Variants in EPN2 observed in about 807,000 individuals in gnomAD.
The protein encoded by EPN2 is epsin-2.
In EPN2, 34 loss-of-function variants were observed where a neutral mutation model predicts 61.7. The ratio of observed to expected loss-of-function variants is 0.55; its 90% CI spans 0.42 to 0.73. The LOEUF (loss-of-function observed/expected upper bound fraction) is 0.73, where lower values mean the gene tolerates loss of function less well. EPN2 is among the 30% of genes least tolerant of loss of function. The pLI is 0.00. For synonymous variants in EPN2, 349 were observed against 353.6 expected, an observed-to-expected ratio of 0.99 and a Z score of 0.15; for missense variants, 714 against 839.2, an observed-to-expected ratio of 0.85 and a Z score of 1.84.
At chr17:19,273,419 T>C (rs2045275203) in intron 1 of EPN2, 1 of 152,246 alleles carries the variant, frequency 6.6e-6, no homozygotes, top group Non-Finnish European at 1.5e-5. Context: ...CCTGCTCTAC[T>C]GTCTAGAAGT....
chr17:19,334,017 A>G lies in EPN2; in HGVS notation c.1689A>G (p.Thr563=), dbSNP rs1907283502. Residue 563 remains threonine, a synonymous_variant, in exon 11 of 11, where the codon ACA becomes ACG. Coordinates refer to ENST00000314728, the MANE Select transcript of EPN2 (RefSeq NM_014964.5). The surrounding 1 kb of genome is among the most constrained non-coding windows in gnomAD (Gnocchi z 4.9). ...PFQVNQPQPL[T]LNQLRGSPVL... is the part of the protein sequence containing the mutation. ...AGGTGAACCAGCCCCAGCCGCTGAC[A>G]CTGAACCAGCTTCGGGGGAGCCCAG... 1.3e-6 allele frequency: 2 copies of G among 1,598,764 alleles called. No individual in the cohort carries two copies. The highest frequency in any genetic ancestry group is 2.7e-5 in the African/African-American group (2 of 74,624).
intron 1 of EPN2, among the ~76,000 whole-genome samples, chr17:19,248,179 G>A (rs2044973859): frequency 6.6e-6 from 1 of 152,212 alleles, no homozygotes; most frequent in African/African-American, 2.4e-5. Flanking sequence ...ATTGTAGAAT[G>A]ACTGTGGATT....
intron 1 of EPN2, among the ~76,000 whole-genome samples, chr17:19,281,335 T>G (rs939818831): frequency 6.6e-6 from 1 of 152,226 alleles, no homozygotes. Context: ...AAGACATCAC[T>G]GTGGAGATTC....
intron 1 of EPN2, among the ~76,000 whole-genome samples, chr17:19,278,936 C>A (rs2045334829): frequency 6.6e-6 from 1 of 152,176 alleles, no homozygotes; most frequent in African/African-American, 2.4e-5. Flanking sequence ...CGTGCCCGGC[C>A]CCTAGTGAGG....
intron 1 of EPN2, among the ~76,000 whole-genome samples, chr17:19,256,620 G>A (rs921733543): frequency 2.6e-5 from 4 of 152,036 alleles, no homozygotes; most frequent in Non-Finnish European, 4.4e-5. Flanking sequence ...ATTATATAGC[G>A]TCCAGTGGTT....
At chr17:19,300,452 C>CA (rs1239260752) in intron 4 of EPN2, among the ~76,000 whole-genome samples, 3 of 90,686 alleles carry the variant, frequency 3.3e-5, no homozygotes, top group Non-Finnish European at 6.0e-5. Flanking sequence ...TTTTTGGAGA[C>CA]AGAGTCGCTC....
At chr17:19,247,689 T>G (rs371966043) in intron 1 of EPN2, among the ~76,000 whole-genome samples, 15 of 150,966 alleles carry the variant, frequency 9.9e-5, no homozygotes, top group African/African-American at 3.7e-4. Flanking sequence ...TGGGGTTTGG[T>G]TTTCTGGGTA....
At chr17:19,239,628 A>T (rs191177298) in intron 1 of EPN2, among the ~76,000 whole-genome samples, 1 of 152,324 alleles carries the variant, frequency 6.6e-6, no homozygotes, top group East Asian at 1.9e-4. Flanking sequence ...GTAAGGCATG[A>T]TTCAGGACTG....
rs1385341622 is a variant in EPN2, at chr17:19,283,819, G to A, written c.595+105G>A. 13 of 827,352 alleles carry A rather than the reference G, an allele frequency of 1.6e-5. No homozygotes were observed. Among genetic ancestry groups the A allele is most frequent in the African/African-American group, 3.4e-5 (2 of 57,992 alleles). The allele number at this position is 827,352 out of a possible 1,614,324, so 51.3% of individuals were successfully genotyped here. A position where few individuals can be genotyped will look rare whatever the true frequency, so the allele number is the denominator to read the frequency against. ...GGGAGTGGTGGCCACTGCAGAGCTC[G>A]AACCTGTCCTCAGTACCCAGCTTTT... On this transcript the variant is annotated intron_variant, in intron 3 of 10. Coordinates refer to ENST00000314728, the MANE Select transcript of EPN2 (RefSeq NM_014964.5). The surrounding 1 kb of genome is among the most constrained non-coding windows in gnomAD (Gnocchi z 7.0).
intron 1 of EPN2, among the ~76,000 whole-genome samples, chr17:19,250,249 C>T (rs1350487284): frequency 1.3e-5 from 2 of 152,010 alleles, no homozygotes; most frequent in East Asian, 1.9e-4. Flanking sequence ...TGTGCGCGAC[C>T]ATGCCTGGCT....
intron 4 of EPN2, among the ~76,000 whole-genome samples, chr17:19,308,764 T>C (rs1905979517): frequency 6.6e-6 from 1 of 152,128 alleles, no homozygotes; most frequent in African/African-American, 2.4e-5. Context: ...GGGGCAGAGG[T>C]GGGCACATAC....
At chr17:19,323,937 A>G (rs552689032) in intron 7 of EPN2, among the ~76,000 whole-genome samples, 3 of 152,356 alleles carry the variant, frequency 2.0e-5, no homozygotes, top group African/African-American at 7.2e-5. Context: ...GGAAAACCAG[A>G]TGGAAACTCA....
chr17:19,295,479 C>T (rs1273620346), intron 4 of EPN2, among the ~76,000 whole-genome samples: 2 of 151,924 alleles, frequency 1.3e-5, no homozygotes, highest in East Asian at 3.9e-4. Context: ...TTGCAGTGAG[C>T]CGAGATCGTG....
intron 1 of EPN2, among the ~76,000 whole-genome samples, chr17:19,238,972 C>A (rs1232262197): frequency 6.6e-6 from 1 of 152,150 alleles, no homozygotes; most frequent in Non-Finnish European, 1.5e-5. Flanking sequence ...TAGGTGCTGA[C>A]AAAATCTTAT....
In EPN2 at chr17:19,331,838, GTCCT is replaced by G. The variant is rs779200127; in HGVS notation, c.1412-13_1412-10del. The G allele has an allele frequency of 6.2e-7, 1 of 1,610,754 alleles. No individual in the cohort carries two copies. The highest frequency in any genetic ancestry group is 1.7e-5 in the Admixed American group (1 of 60,024). Reference sequence around the variant, plus strand: ...CTGCCACACTCACCCTGCCATATGTGTCCTTGTCTTGTAGCCGAATCTGTGACCT... The same window carrying G: ...CTGCCACACTCACCCTGCCATATGTGTGTCTTGTAGCCGAATCTGTGACCT... On this transcript the variant is annotated splice_polypyrimidine_tract_variant and intron_variant, in intron 9 of 10. Coordinates refer to ENST00000314728, the MANE Select transcript of EPN2 (RefSeq NM_014964.5).
intron 1 of EPN2, among the ~76,000 whole-genome samples, chr17:19,263,603 T>G (rs551643967): frequency 6.6e-6 from 1 of 152,300 alleles, no homozygotes; most frequent in African/African-American, 2.4e-5. Context: ...TCATCCCAGT[T>G]CTGTGATTTG....
Position 19,243,012 on chromosome 17 carries a change from C to T in EPN2, c.-294+5481C>T, listed in dbSNP as rs142011583. On this transcript the variant is annotated intron_variant, in intron 1 of 10. Coordinates refer to ENST00000314728, the MANE Select transcript of EPN2 (RefSeq NM_014964.5). ...ATGAGGTGTGGGTACTAATGGGCCT[C>T]CTGGCTGGGTGGCTTTGGGCACTTT... is the stretch of plus-strand genomic sequence containing the variant. Among the ~76,000 whole-genome samples the T allele has an allele frequency of 3.8e-3, 583 of 152,266 alleles. 14 individuals are homozygous for T. Among genetic ancestry groups the T allele is most frequent in the Admixed American group, 0.033 (502 of 15,286 alleles).
chr17:19,310,654 T>G (rs1294621408), intron 5 of EPN2, among the ~76,000 whole-genome samples: 2 of 125,776 alleles, frequency 1.6e-5, no homozygotes, highest in African/African-American at 5.9e-5. Context: ...CTTGGCTCCC[T>G]GAGACCTCCG....
chr17:19,251,986 G>T (rs539378551), intron 1 of EPN2, among the ~76,000 whole-genome samples: 2 of 152,254 alleles, frequency 1.3e-5, no homozygotes, highest in South Asian at 2.1e-4. Flanking sequence ...ATAAGTTTGT[G>T]TACAAAACAA....
Sources: allele counts gnomAD v4.1 joint callset (sites outside exome capture counted in the v4.1 genomes callset), GRCh38; gene constraint gnomAD v4.1.1; non-coding constraint Gnocchi (gnomAD v3.1); transcripts MANE v1.5; gene names NCBI Gene and HGNC (gene_info 2026-07-23, HGNC 2026-07-21).